MAGI3: variants seen among roughly 807,000 people sequenced by gnomAD.
The protein encoded by MAGI3 is membrane-associated guanylate kinase, WW and PDZ domain-containing protein 3.
In MAGI3, 43 loss-of-function variants were observed where a neutral mutation model predicts 121.8. That is an observed-to-expected ratio of 0.35 (90% CI 0.28 to 0.46). The LOEUF is 0.46. Among genes scored for constraint, MAGI3 ranks in the 20% least tolerant of loss-of-function variants. The probability of loss-of-function intolerance (pLI) is 1.00; values close to 1 mark genes in which losing one functional copy is unlikely to be tolerated. For missense variants in MAGI3, 1,547 were observed against 1,797.3 expected (o/e 0.86, Z 2.52); for synonymous variants, 553 against 639.3 (o/e 0.86, Z 2.04).
At chr1:113,618,992 C>G (rs1650656546) in intron 7 of MAGI3, among the ~76,000 whole-genome samples, 1 of 152,154 alleles carries the variant, frequency 6.6e-6, no homozygotes, top group South Asian at 2.1e-4. Context: ...TGCTCTTTTT[C>G]TTCTGTAAAA....
chr1:113,606,084 GCCT>G (rs1649757507), intron 6 of MAGI3, among the ~76,000 whole-genome samples: 1 of 151,942 alleles, frequency 6.6e-6, no homozygotes, highest in African/African-American at 2.4e-5. Flanking sequence ...TCGTGCCTCA[GCCT>G]CCCCAGTAGC....
At chr1:113,505,248 A>C (rs1259887485) in intron 1 of MAGI3, among the ~76,000 whole-genome samples, 2 of 152,166 alleles carry the variant, frequency 1.3e-5, no homozygotes, top group African/African-American at 4.8e-5. Flanking sequence ...GATGCTAACA[A>C]AACCGAATGT....
chr1:113,568,279 T>A (rs1418957), intron 2 of MAGI3, among the ~76,000 whole-genome samples: 45,526 of 151,784 alleles, frequency 0.3, 7,520 homozygotes, highest in East Asian at 0.65. Context: ...ATAAGTTTTT[T>A]AAAAATACCT....
intron 1 of MAGI3, among the ~76,000 whole-genome samples, chr1:113,434,227 G>T (rs956487473): frequency 2.6e-5 from 4 of 152,126 alleles, no homozygotes; most frequent in African/African-American, 9.7e-5. Flanking sequence ...GAGCTAAATG[G>T]TGTTTGCTGT....
chr1:113,593,596 C>G (rs1648825487), intron 5 of MAGI3, among the ~76,000 whole-genome samples: 1 of 152,066 alleles, frequency 6.6e-6, no homozygotes, highest in African/African-American at 2.4e-5. Flanking sequence ...TATTCCCTTC[C>G]TATGTATTTT....
At chr1:113,654,704 C>T (rs565845842) in intron 15 of MAGI3, among the ~76,000 whole-genome samples, 13 of 152,000 alleles carry the variant, frequency 8.6e-5, no homozygotes, top group South Asian at 4.2e-4. Context: ...TACGATTCAG[C>T]AAATGAAATA....
intron 1 of MAGI3, among the ~76,000 whole-genome samples, chr1:113,503,614 TTTC>T (rs1657158653): frequency 6.6e-6 from 1 of 152,150 alleles, no homozygotes; most frequent in Non-Finnish European, 1.5e-5. Context: ...GAAGTTGTGT[TTTC>T]TTTATCTTTT....
intron 4 of MAGI3, among the ~76,000 whole-genome samples, chr1:113,586,055 C>T (rs1041194914): frequency 6.6e-6 from 1 of 152,098 alleles, no homozygotes; most frequent in Admixed American, 6.5e-5. Context: ...TGGATTCACT[C>T]AAAGAAAAAT....
chr1:113,558,515 G>C (rs1182982628), intron 2 of MAGI3, among the ~76,000 whole-genome samples: 1 of 151,956 alleles, frequency 6.6e-6, no homozygotes, highest in Non-Finnish European at 1.5e-5. Flanking sequence ...AAAGAAAAAA[G>C]AATGAAAATG....
At chr1:113,546,313 A>T (rs1659531440) in intron 1 of MAGI3, among the ~76,000 whole-genome samples, 1 of 152,122 alleles carries the variant, frequency 6.6e-6, no homozygotes, top group Non-Finnish European at 1.5e-5. Context: ...ATACTTGCAG[A>T]TGTTTACATA....
chr1:113,528,153 A>G (rs1304121137), intron 1 of MAGI3, among the ~76,000 whole-genome samples: 1 of 152,168 alleles, frequency 6.6e-6, no homozygotes, highest in Non-Finnish European at 1.5e-5. Flanking sequence ...GTTTATAGTC[A>G]AATTTTCCCA....
chr1:113,450,413 T>C, intron 1 of MAGI3: 4 of 1,123,866 alleles, frequency 3.6e-6, no homozygotes, highest in Middle Eastern at 2.0e-4. Flanking sequence ...TTGGAGGTGA[T>C]GGTGGCAACT....
At position 113,683,561 on chromosome 1, in the gene MAGI3, G is replaced by A. The variant is rs764770588; in HGVS notation, c.3993G>A (p.Lys1331=). ...GSNAEQIPDG[K]EKSDVIRKDA... ...ATGCTGAGCAGATCCCAGATGGGAA[G>A]GAAAAATCAGACGTCATCAGGAAAG... Residue 1331 remains lysine, a synonymous_variant, in exon 21 of 21, where the codon AAG becomes AAA. Coordinates refer to ENST00000307546, the MANE Select transcript of MAGI3 (RefSeq NM_001142782.2). 1.2e-6 allele frequency: 2 copies of A among 1,613,880 alleles called. No homozygotes were observed. Among genetic ancestry groups the A allele is most frequent in the Non-Finnish European group, 1.7e-6 (2 of 1,179,878 alleles).
At chr1:113,469,803 T>A (rs1353516331) in intron 1 of MAGI3, among the ~76,000 whole-genome samples, 1 of 152,206 alleles carries the variant, frequency 6.6e-6, no homozygotes, top group Non-Finnish European at 1.5e-5. Context: ...TTCAGCTTTC[T>A]GTTAACATTT....
chr1:113,440,850 A>G (rs1653875345), intron 1 of MAGI3, among the ~76,000 whole-genome samples: 1 of 152,210 alleles, frequency 6.6e-6, no homozygotes, highest in Non-Finnish European at 1.5e-5. Flanking sequence ...CATATCACAT[A>G]AAGACTAAGA....
In MAGI3 at chr1:113,684,972, A is replaced by G. The variant is rs976905581; in HGVS notation, c.*958A>G. The G allele has an allele frequency of 6.6e-6, 1 of 152,366 alleles. No homozygotes were observed. The highest frequency in any genetic ancestry group is 2.4e-5 in the African/African-American group (1 of 41,448). 9.4% of individuals were successfully genotyped at this position (152,366 alleles called of 1,614,324 possible). A position where few individuals can be genotyped will look rare whatever the true frequency, so the allele number is the denominator to read the frequency against. The stretch of plus-strand genomic sequence containing the variant: ...TTTGAAAAGTAAACATATTATATAG[A>G]TTATGTGAGGGACTTAATCATGAAA... On this transcript the variant is annotated 3_prime_UTR_variant, in exon 21 of 21. Transcript: ENST00000307546.
At chr1:113,471,977 C>T (rs1024467519) in intron 1 of MAGI3, among the ~76,000 whole-genome samples, 7 of 152,138 alleles carry the variant, frequency 4.6e-5, no homozygotes, top group African/African-American at 1.7e-4. Flanking sequence ...TATATTTTTA[C>T]AGTTGTTATA....
At chr1:113,531,909 G>A (rs145373674) in intron 1 of MAGI3, among the ~76,000 whole-genome samples, 2 of 152,150 alleles carry the variant, frequency 1.3e-5, no homozygotes, top group African/African-American at 4.8e-5. Flanking sequence ...TTTCAAATTG[G>A]ACTCACAGTT....
At chr1:113,419,534 G>C (rs931741922) in intron 1 of MAGI3, among the ~76,000 whole-genome samples, 1 of 152,148 alleles carries the variant, frequency 6.6e-6, no homozygotes, top group Non-Finnish European at 1.5e-5. Flanking sequence ...GAGAGAAAGT[G>C]TAAGAGGCTC....
Sources: allele counts gnomAD v4.1 joint callset (sites outside exome capture counted in the v4.1 genomes callset), GRCh38; gene constraint gnomAD v4.1.1; transcripts MANE v1.5; gene names NCBI Gene and HGNC (gene_info 2026-07-23, HGNC 2026-07-21).